Variants in EWSR1 observed in about 807,000 individuals in gnomAD.
The protein encoded by EWSR1 is RNA-binding protein EWS.
EWSR1 carries 14 observed loss-of-function variants against 92.1 expected under a neutral mutation model. The observed-to-expected ratio is 0.15, with a 90% confidence interval of 0.10 to 0.24. The LOEUF is 0.24. EWSR1 is among the 10% of genes least tolerant of loss of function. The pLI is 1.00. For missense variants in EWSR1, 637 were observed against 870.9 expected, an observed-to-expected ratio of 0.73 and a Z score of 3.38; for synonymous variants, 303 against 292.9, an observed-to-expected ratio of 1.03 and a Z score of -0.35.
intron 8 of EWSR1, chr22:29,290,219 G>A (rs917592063): frequency 5.6e-6 from 3 of 538,026 alleles, no homozygotes; most frequent in Non-Finnish European, 1.0e-5. Context: ...GTCGGATCCT[G>A]TGGGGATAGA....
At chr22:29,287,335 G>A (rs1236621276) in intron 7 of EWSR1, among the ~76,000 whole-genome samples, 1 of 152,146 alleles carries the variant, frequency 6.6e-6, no homozygotes, top group Non-Finnish European at 1.5e-5. Flanking sequence ...AGCCTCCCGA[G>A]TAGCTGAGAT....
At chr22:29,289,620 A>G (rs979757523) in intron 8 of EWSR1, 1 of 232,522 alleles carries the variant, frequency 4.3e-6, no homozygotes, top group African/African-American at 2.2e-5. Context: ...GTCCCTATAT[A>G]AACTGGTAAA....
chr22:29,290,121 C>G, intron 8 of EWSR1: 1 of 290,708 alleles, frequency 3.4e-6, no homozygotes, highest in Non-Finnish European at 6.4e-6. Flanking sequence ...AGAGGGGGCC[C>G]CTCTTTCTGG....
intron 8 of EWSR1, chr22:29,290,174 C>T: frequency 5.0e-6 from 2 of 401,254 alleles, no homozygotes; most frequent in Non-Finnish European, 9.0e-6. Context: ...CCATGGCTTT[C>T]CCCATAGGTT....
chr22:29,295,961 A>G, intron 11 of EWSR1: 1 of 374,430 alleles, frequency 2.7e-6, no homozygotes, highest in East Asian at 4.5e-5. Context: ...GGGCATAGAA[A>G]ATGCCAGGGC....
chr22:29,277,930 G>A, intron 4 of EWSR1, 100 bp from the exon 5 acceptor site: 1 of 1,039,618 alleles, frequency 9.6e-7, no homozygotes, highest in Non-Finnish European at 1.4e-6. Context: ...TCAATATCCT[G>A]ATGGTTTAAA....
At chr22:29,269,061 TCCCCCAAAAC>T (rs893591179) in intron 1 of EWSR1, among the ~76,000 whole-genome samples, 16 of 152,098 alleles carry the variant, frequency 1.1e-4, no homozygotes, top group Non-Finnish European at 1.8e-4. Context: ...CGTCCTCCCC[TCCCCCAAAAC>T]CAATTAAGTG....
chr22:29,297,750 T>G, intron 12 of EWSR1, 77 bp from the exon 13 acceptor site: 3 of 1,566,494 alleles, frequency 1.9e-6, no homozygotes, highest in Middle Eastern at 2.1e-4. Flanking sequence ...CATCTGGGAG[T>G]GGTCATTTGA....
chr22:29,300,323 C>G lies in EWSR1; in HGVS notation c.*162C>G. On this transcript the variant is annotated 3_prime_UTR_variant, in exon 17 of 17. Transcript: ENST00000397938. ...CACCATTTGTGAAGAAACATTAAAA[C>G]AAGTTAAATGGTAGTGTGCGGAGTT... The G allele has an allele frequency of 1.4e-6, 1 of 715,186 alleles. No homozygotes were observed. The highest frequency in any genetic ancestry group is 2.3e-6 in the Non-Finnish European group (1 of 443,936). 44.3% of individuals were successfully genotyped at this position (715,186 alleles called of 1,614,324 possible).
intron 6 of EWSR1, among the ~76,000 whole-genome samples, chr22:29,283,825 C>T (rs552094188): frequency 4.0e-5 from 6 of 149,954 alleles, no homozygotes; most frequent in Admixed American, 2.6e-4. Flanking sequence ...CGAGCCCCTG[C>T]GCCCAGCCAG....
chr22:29,289,251 C>T (rs890795096), intron 8 of EWSR1: 2 of 233,284 alleles, frequency 8.6e-6, no homozygotes, highest in African/African-American at 4.4e-5. Flanking sequence ...AATCGTTGAA[C>T]ATATGAAGAT....
At chr22:29,282,660 ACTGTCGC>A in intron 6 of EWSR1, 103 bp downstream of exon 6, 3 of 959,214 alleles carry the variant, frequency 3.1e-6, no homozygotes, top group Non-Finnish European at 2.9e-6. Flanking sequence ...ATGTTATCTG[ACTGTCGC>A]AGTGATAAGT....
At chr22:29,287,588 C>T (rs2060142849) in intron 7 of EWSR1, among the ~76,000 whole-genome samples, 1 of 152,182 alleles carries the variant, frequency 6.6e-6, no homozygotes, top group African/African-American at 2.4e-5. Context: ...TAGGGCATGG[C>T]ATTCCAGCTA....
intron 4 of EWSR1, among the ~76,000 whole-genome samples, chr22:29,275,239 A>T (rs1569054208): frequency 6.6e-6 from 1 of 152,212 alleles, no homozygotes; most frequent in Non-Finnish European, 1.5e-5. Context: ...TACATTTTTT[A>T]AAACAAGCAT....
rs2060511997 is a variant in EWSR1, at chr22:29,292,515, C to CT, written c.1074dup (p.Asp359Ter). The CT allele has an allele frequency of 6.2e-7, 1 of 1,613,452 alleles. No individual in the cohort carries two copies. Among genetic ancestry groups the CT allele is most frequent in the Non-Finnish European group, 8.5e-7 (1 of 1,179,686 alleles). ...CCACCTGTAGATCCAGATGAAGACT[C>CT]TGACAACAGTGCAATTTATGTACAA... is the stretch of plus-strand genomic sequence containing the variant. On this transcript the variant is annotated frameshift_variant, in exon 11 of 17. Coordinates refer to ENST00000397938, the MANE Select transcript of EWSR1 (RefSeq NM_005243.4). LOFTEE classifies it high-confidence loss of function.
At chr22:29,299,159 G>C (rs745611470) in intron 14 of EWSR1, 75 bp from the exon 15 acceptor site, 1 of 1,612,928 alleles carries the variant, frequency 6.2e-7, no homozygotes, top group South Asian at 1.1e-5. Context: ...GTGTGTACCT[G>C]TTCACACACC....
At chr22:29,296,205 C>G in intron 11 of EWSR1, 34 bp from the exon 12 acceptor site, 1 of 1,603,234 alleles carries the variant, frequency 6.2e-7, no homozygotes. Context: ...TTAGTATATT[C>G]TAGTCATGCC....
At chr22:29,270,335 A>C (rs919592029) in intron 1 of EWSR1, among the ~76,000 whole-genome samples, 1 of 152,242 alleles carries the variant, frequency 6.6e-6, no homozygotes, top group Non-Finnish European at 1.5e-5. Context: ...GCTCAATCAC[A>C]GTGAAGTGAT....
Position 29,292,519 on chromosome 22 carries a change from C to G in EWSR1, c.1077C>G (p.Asp359Glu). 9 of 1,613,710 alleles carry G rather than the reference C, an allele frequency of 5.6e-6. No individual in the cohort carries two copies. Among genetic ancestry groups the G allele is most frequent in the Non-Finnish European group, 7.6e-6 (9 of 1,179,784 alleles). Residue 359 changes from aspartate to glutamate, a missense_variant, in exon 11 of 17, where the codon GAC (aspartate) becomes GAG (glutamate). This residue lies in a region of EWSR1 where 363 missense variants were observed against 447.8 expected (regional missense o/e 0.81). Coordinates refer to ENST00000397938, the MANE Select transcript of EWSR1 (RefSeq NM_005243.4). ...GPPVDPDEDS[D>E]NSAIYVQGLN... is the part of the protein sequence containing the mutation. Reference sequence around the variant, plus strand: ...CTGTAGATCCAGATGAAGACTCTGACAACAGTGCAATTTATGTACAAGGAT... The same window carrying G: ...CTGTAGATCCAGATGAAGACTCTGAGAACAGTGCAATTTATGTACAAGGAT...
Sources: gnomAD v4.1 joint callset for allele counts (sites outside exome capture counted in the v4.1 genomes callset) on GRCh38, gnomAD v4.1.1 for gene constraint, gnomAD v4.1.1 regional missense constraint, MANE v1.5 for transcripts, NCBI Gene and HGNC (gene_info 2026-07-23, HGNC 2026-07-21) for gene names.